BBS9: variants seen among roughly 807,000 people sequenced by gnomAD.
BBS9 encodes the protein Bardet-Biedl syndrome 9.
Under a neutral mutation model 117.7 loss-of-function variants are expected in BBS9, and 89 were observed. The ratio of observed to expected loss-of-function variants is 0.76; its 90% confidence interval spans 0.64 to 0.90. The LOEUF is 0.90. BBS9 is among the 40% of genes least tolerant of loss of function. The probability of loss-of-function intolerance (pLI) is 0.00; values close to 1 mark genes in which losing one functional copy is unlikely to be tolerated. For synonymous variants in BBS9, 379 were observed against 370.9 expected, an observed-to-expected ratio of 1.02 and a Z score of -0.25; for missense variants, 982 against 1,042.2, an observed-to-expected ratio of 0.94 and a Z score of 0.80.
In BBS9 at chr7:33,484,541, C is replaced by A. The variant is rs529730616; in HGVS notation, c.2116-20922C>A. Among the ~76,000 whole-genome samples the A allele has an allele frequency of 1.4e-4, 21 of 152,236 alleles. No homozygotes were observed. The South Asian group carries it at 4.4e-3, about 32-fold the overall frequency. ...CTGCAGCCAACAAACAGGAAAAAAGCTCAACATCACTGGTCATTAGAGAAA... is the reference window on the plus strand; with the variant it reads ...CTGCAGCCAACAAACAGGAAAAAAGATCAACATCACTGGTCATTAGAGAAA... On this transcript the variant is annotated intron_variant, in intron 19 of 22. Transcript: ENST00000242067.
chr7:33,260,418 C>CT (rs1797790652), intron 6 of BBS9, among the ~76,000 whole-genome samples: 2 of 152,234 alleles, frequency 1.3e-5, no homozygotes, highest in African/African-American at 4.8e-5. Context: ...AACTGTCTTC[C>CT]TTTTTTCACC....
chr7:33,404,164 C>T lies in BBS9; in HGVS notation c.2115+16020C>T, dbSNP rs563484339. Among the ~76,000 whole-genome samples the T allele has an allele frequency of 4.9e-4, 75 of 152,068 alleles. 1 individual carries two copies. Among genetic ancestry groups the T allele is most frequent in the Middle Eastern group, 6.8e-3 (2 of 294 alleles). ...AGATCAGATGGTTGTAGATATGCGGCGTTATTTCTGAGGGCTCTGTTCTGT... is the reference window on the plus strand; with the variant it reads ...AGATCAGATGGTTGTAGATATGCGGTGTTATTTCTGAGGGCTCTGTTCTGT... On this transcript the variant is annotated intron_variant, in intron 19 of 22. Coordinates refer to ENST00000242067, the MANE Select transcript of BBS9 (RefSeq NM_198428.3).
intron 5 of BBS9, among the ~76,000 whole-genome samples, chr7:33,206,664 C>G (rs1052972658): frequency 6.6e-6 from 1 of 151,994 alleles, no homozygotes; most frequent in Non-Finnish European, 1.5e-5. Context: ...TCTTATATAA[C>G]CACAGTACAG....
chr7:33,594,652 G>A (rs922407818), intron 21 of BBS9, among the ~76,000 whole-genome samples: 1 of 152,100 alleles, frequency 6.6e-6, no homozygotes, highest in Non-Finnish European at 1.5e-5. Context: ...GGAAATGAGA[G>A]AGAAATGGAC....
chr7:33,509,229 G>T (rs924239993), intron 20 of BBS9, among the ~76,000 whole-genome samples: 15 of 152,258 alleles, frequency 9.9e-5, no homozygotes, highest in African/African-American at 3.1e-4. Context: ...ATACTGTTGA[G>T]ACAGCTTATA....
At chr7:33,414,985 AAAC>A (rs1362264220) in intron 19 of BBS9, among the ~76,000 whole-genome samples, 2 of 152,182 alleles carry the variant, frequency 1.3e-5, no homozygotes, top group Admixed American at 6.5e-5. Context: ...CTAATACCTA[AAAC>A]AACAACAATA....
At chr7:33,545,651 G>A (rs903142420) in intron 21 of BBS9, among the ~76,000 whole-genome samples, 15 of 152,156 alleles carry the variant, frequency 9.9e-5, no homozygotes, top group African/African-American at 3.6e-4. Flanking sequence ...CACAATGCAA[G>A]CCTCCCCGTA....
chr7:33,464,957 C>T (rs1054658089), intron 19 of BBS9, among the ~76,000 whole-genome samples: 2 of 152,044 alleles, frequency 1.3e-5, no homozygotes, highest in African/African-American at 4.8e-5. Context: ...TCCCGAGTAG[C>T]TGGGACTACA....
chr7:33,604,051 A>G (rs958820477), intron 21 of BBS9, among the ~76,000 whole-genome samples: 3 of 152,222 alleles, frequency 2.0e-5, no homozygotes, highest in African/African-American at 7.2e-5. Context: ...GAGAAGCCTC[A>G]GAAAAAGAAA....
At chr7:33,160,251 T>C (rs961809902) in intron 4 of BBS9, among the ~76,000 whole-genome samples, 2 of 152,218 alleles carry the variant, frequency 1.3e-5, no homozygotes, top group Admixed American at 1.3e-4. Context: ...TAACAAATGA[T>C]GTCTATTTAG....
At chr7:33,573,047 C>T (rs930836086) in intron 21 of BBS9, among the ~76,000 whole-genome samples, 2 of 151,946 alleles carry the variant, frequency 1.3e-5, no homozygotes, top group Non-Finnish European at 2.9e-5. Flanking sequence ...TTCCCTCTTT[C>T]TTTCTTGTAA....
chr7:33,285,360 C>T (rs1008783670), intron 9 of BBS9, among the ~76,000 whole-genome samples: 2 of 152,018 alleles, frequency 1.3e-5, no homozygotes, highest in African/African-American at 4.8e-5. Flanking sequence ...TCTGCTATTG[C>T]ATTGTGGTAT....
At chr7:33,497,907 G>A (rs139936110) in intron 19 of BBS9, among the ~76,000 whole-genome samples, 26 of 152,180 alleles carry the variant, frequency 1.7e-4, no homozygotes, top group African/African-American at 5.8e-4. Flanking sequence ...CTTTTTCAAT[G>A]TCATTATTAA....
chr7:33,160,926 G>C (rs943092097), intron 4 of BBS9, among the ~76,000 whole-genome samples: 1 of 151,974 alleles, frequency 6.6e-6, no homozygotes, highest in African/African-American at 2.4e-5. Flanking sequence ...CTCTTGCATG[G>C]GAAAGCTTTT....
At chr7:33,349,813 G>T (rs1818303422) in intron 13 of BBS9, among the ~76,000 whole-genome samples, 1 of 152,136 alleles carries the variant, frequency 6.6e-6, no homozygotes, top group Admixed American at 6.5e-5. Context: ...AATGTTTGAA[G>T]AATTAATATG....
chr7:33,166,953 G>C (rs544152777), intron 4 of BBS9, among the ~76,000 whole-genome samples: 1 of 152,270 alleles, frequency 6.6e-6, no homozygotes, highest in East Asian at 1.9e-4. Flanking sequence ...AAAATCACCC[G>C]TCTTCTGTGT....
intron 9 of BBS9, among the ~76,000 whole-genome samples, chr7:33,281,124 A>G (rs578166584): frequency 6.6e-6 from 1 of 151,238 alleles, no homozygotes; most frequent in Non-Finnish European, 1.5e-5. Context: ...CAAGAGTAGA[A>G]TATTAGTTTT....
intron 5 of BBS9, among the ~76,000 whole-genome samples, chr7:33,184,121 G>A (rs991629763): frequency 6.6e-6 from 1 of 151,302 alleles, no homozygotes; most frequent in African/African-American, 2.4e-5. Context: ...GAGAGAGAGA[G>A]TGAGAGAAGA....
At chr7:33,576,365 C>T (rs1858863807) in intron 21 of BBS9, among the ~76,000 whole-genome samples, 2 of 152,060 alleles carry the variant, frequency 1.3e-5, no homozygotes, top group Admixed American at 1.3e-4. Context: ...TGAAGGACCT[C>T]TTCAGGGAGA....
Sources: allele counts gnomAD v4.1 joint callset (sites outside exome capture counted in the v4.1 genomes callset), GRCh38; gene constraint gnomAD v4.1.1; transcripts MANE v1.5; gene names NCBI Gene and HGNC (gene_info 2026-07-23, HGNC 2026-07-21).